PRELID2: variants seen among roughly 807,000 people sequenced by gnomAD.
The protein encoded by PRELID2 is PRELI domain-containing protein 2.
In PRELID2, 25 loss-of-function variants were observed where a neutral mutation model predicts 28.4. The observed-to-expected ratio is 0.88, with a 90% CI of 0.64 to 1.23. The LOEUF (loss-of-function observed/expected upper bound fraction) is 1.23, where lower values mean the gene tolerates loss of function less well. Ranked by LOEUF, PRELID2 falls within the 50% of genes most tolerant of loss-of-function variation. The probability of loss-of-function intolerance (pLI) is 0.00; values close to 1 mark genes in which losing one functional copy is unlikely to be tolerated. For missense variants in PRELID2, 201 were observed against 214.4 expected, an observed-to-expected ratio of 0.94 and a Z score of 0.39; for synonymous variants, 76 against 71.6, an observed-to-expected ratio of 1.06 and a Z score of -0.31.
Position 145,554,991 on chromosome 5 carries a change from G to C in PRELID2, n.71-81676C>G, listed in dbSNP as rs915601805. On this transcript the variant is annotated intron_variant and non_coding_transcript_variant, in intron 1 of 2. Coordinates refer to the PRELID2 transcript ENST00000510259. ...ATATTTATTATGGCTCTGGAAAAGA[G>C]AGGTCAAAGCTTATTTCCAAAGTTA... Among the ~76,000 whole-genome samples the C allele has an allele frequency of 2.8e-4, 42 of 152,212 alleles. 1 individual carries two copies. Among genetic ancestry groups the C allele is most frequent in the Admixed American group, 9.8e-4 (15 of 15,292 alleles).
intron 1 of PRELID2, among the ~76,000 whole-genome samples, chr5:145,573,164 A>G (rs1271432504): frequency 1.3e-5 from 2 of 152,068 alleles, no homozygotes; most frequent in Non-Finnish European, 2.9e-5. Flanking sequence ...TTTCCCCCTC[A>G]TATACACATA....
chr5:145,369,354 A>T, the PRELID2 span, among the ~76,000 whole-genome samples: 7 of 151,940 alleles, frequency 4.6e-5, no homozygotes, highest in Non-Finnish European at 5.9e-5. Context: ...AATCCCACTT[A>T]TGAGTGAGAC....
At chr5:145,491,625 A>G (rs1752270197) in intron 1 of PRELID2, among the ~76,000 whole-genome samples, 1 of 152,086 alleles carries the variant, frequency 6.6e-6, no homozygotes, top group South Asian at 2.1e-4. Context: ...TAGTTATCAT[A>G]TTGTACAATA....
chr5:145,833,852 G>A (rs564961537), intron 1 of PRELID2, among the ~76,000 whole-genome samples: 1 of 152,330 alleles, frequency 6.6e-6, no homozygotes, highest in Non-Finnish European at 1.5e-5. Flanking sequence ...TATGAAAACC[G>A]AAGGGGACCT....
intron 5 of PRELID2, among the ~76,000 whole-genome samples, chr5:145,787,477 C>A (rs1752072428): frequency 6.6e-6 from 1 of 152,084 alleles, no homozygotes; most frequent in Non-Finnish European, 1.5e-5. Flanking sequence ...GACAAAAGCT[C>A]CCTAAATAGT....
At chr5:145,556,943 C>T (rs1752884544) in intron 1 of PRELID2, among the ~76,000 whole-genome samples, 1 of 152,176 alleles carries the variant, frequency 6.6e-6, no homozygotes, top group Admixed American at 6.5e-5. Flanking sequence ...TCTCATCTCT[C>T]TGACAAGGCC....
At chr5:145,768,755 A>C (rs2149777575) in intron 5 of PRELID2, among the ~76,000 whole-genome samples, 1 of 152,270 alleles carries the variant, frequency 6.6e-6, no homozygotes, top group African/African-American at 2.4e-5. Flanking sequence ...GTGAAGACTG[A>C]GGTTTTCCTT....
the PRELID2 span, among the ~76,000 whole-genome samples, chr5:145,332,661 A>C: frequency 2.6e-5 from 4 of 152,004 alleles, no homozygotes; most frequent in Admixed American, 2.0e-4. Context: ...CTAATTAGCA[A>C]TTCTTCTAAC....
intron 1 of PRELID2, among the ~76,000 whole-genome samples, chr5:145,617,645 C>G (rs994857653): frequency 1.3e-5 from 2 of 151,978 alleles, no homozygotes; most frequent in African/African-American, 4.8e-5. Flanking sequence ...TTATTTAATT[C>G]TATCGATGAG....
the PRELID2 span, among the ~76,000 whole-genome samples, chr5:145,384,849 C>T: frequency 2.6e-5 from 4 of 152,168 alleles, no homozygotes; most frequent in Admixed American, 6.6e-5. Flanking sequence ...ACGAGGAGAG[C>T]ACCAACGGTA....
At position 145,742,001 on chromosome 5, in the gene PRELID2, TAATAAATTTA is replaced by T. The variant is rs1449398369; in HGVS notation, n.70+22920_70+22929del. ...TTAATTATAATAAATTTATTATAAATAATAAATTTATTATAAGTAAATAAATTTATTCATT... is the reference window on the plus strand; with the variant it reads ...TTAATTATAATAAATTTATTATAAATTTATAAGTAAATAAATTTATTCATT... On this transcript the variant is annotated intron_variant and non_coding_transcript_variant, in intron 1 of 2. Coordinates refer to the PRELID2 transcript ENST00000510259. Among the ~76,000 whole-genome samples the T allele has an allele frequency of 1.1e-4, 4 of 36,238 alleles. No individual in the cohort carries two copies. In the East Asian group the frequency reaches 3.3e-3, roughly 30 times the overall value. 23.8% of individuals were successfully genotyped at this position (36,238 alleles called of 152,430 possible).
intron 1 of PRELID2, among the ~76,000 whole-genome samples, chr5:145,676,090 C>G (rs1003055778): frequency 4.6e-5 from 7 of 151,854 alleles, no homozygotes; most frequent in African/African-American, 1.5e-4. Context: ...CGTGGTGGCA[C>G]ATGCCTGTAA....
the PRELID2 span, among the ~76,000 whole-genome samples, chr5:145,416,812 C>A: frequency 1.3e-5 from 2 of 151,822 alleles, no homozygotes; most frequent in Non-Finnish European, 2.9e-5. Context: ...CTGAAGCAGA[C>A]AAAGATATGA....
At chr5:145,716,119 C>T (rs552259627) in intron 1 of PRELID2, among the ~76,000 whole-genome samples, 3 of 152,214 alleles carry the variant, frequency 2.0e-5, no homozygotes, top group Admixed American at 6.6e-5. Flanking sequence ...CCCAAGACAA[C>T]GATTCTTCTT....
chr5:145,300,506 A>G, the PRELID2 span, among the ~76,000 whole-genome samples: 1 of 152,142 alleles, frequency 6.6e-6, no homozygotes, highest in South Asian at 2.1e-4. Context: ...TTTAAGCTCA[A>G]TTATCTTAAA....
At chr5:145,434,584 T>C in the PRELID2 span, among the ~76,000 whole-genome samples, 3 of 152,054 alleles carry the variant, frequency 2.0e-5, no homozygotes, top group Non-Finnish European at 4.4e-5. Flanking sequence ...TAACCAGGTC[T>C]AGAGAAAAGA....
intron 1 of PRELID2, among the ~76,000 whole-genome samples, chr5:145,600,419 GGA>G (rs1491418789): frequency 2.0e-5 from 2 of 101,120 alleles, no homozygotes; most frequent in Non-Finnish European, 3.7e-5. Flanking sequence ...TCTCAGGGGG[GGA>G]AAAAAAAAAA....
chr5:145,642,703 G>T (rs1227819109), intron 1 of PRELID2, among the ~76,000 whole-genome samples: 3 of 152,178 alleles, frequency 2.0e-5, no homozygotes, highest in African/African-American at 7.2e-5. Flanking sequence ...TAAGGTGTAA[G>T]GAAGGGGTCC....
At chr5:145,261,689 C>G in the PRELID2 span, among the ~76,000 whole-genome samples, 1 of 152,202 alleles carries the variant, frequency 6.6e-6, no homozygotes, top group South Asian at 2.1e-4. Flanking sequence ...AGAATCTGAA[C>G]AGAAGCCCTT....
Sources: gnomAD v4.1 joint callset for allele counts (sites outside exome capture counted in the v4.1 genomes callset) on GRCh38, gnomAD v4.1.1 for gene constraint, MANE v1.5 for transcripts, NCBI Gene and HGNC (gene_info 2026-07-23, HGNC 2026-07-21) for gene names.